Variants in PTPRG observed in about 807,000 individuals in gnomAD.
PTPRG encodes the protein protein tyrosine phosphatase receptor type G.
PTPRG carries 102 observed loss-of-function variants against 165.3 expected under a neutral mutation model. That is an observed-to-expected ratio of 0.62 (90% confidence interval 0.53 to 0.73). PTPRG has a LOEUF of 0.73. Among genes scored for constraint, PTPRG ranks in the 30% least tolerant of loss-of-function variants. The probability of loss-of-function intolerance (pLI) is 0.00; values close to 1 mark genes in which losing one functional copy is unlikely to be tolerated. For missense variants in PTPRG, 1,866 were observed against 1,861.4 expected, an observed-to-expected ratio of 1.00 and a Z score of -0.05; for synonymous variants, 675 against 669.5, an observed-to-expected ratio of 1.01 and a Z score of -0.13.
chr3:62,165,980 A>G (rs1704958101), intron 7 of PTPRG, among the ~76,000 whole-genome samples: 1 of 151,926 alleles, frequency 6.6e-6, no homozygotes, highest in South Asian at 2.1e-4. Flanking sequence ...TTTCCACATT[A>G]GTATTAACTG....
At chr3:62,272,323 T>C (rs1702093494) in intron 21 of PTPRG, among the ~76,000 whole-genome samples, 1 of 152,220 alleles carries the variant, frequency 6.6e-6, no homozygotes, top group African/African-American at 2.4e-5. Flanking sequence ...CCATATAAAA[T>C]ACCTTTTCAA....
chr3:62,029,775 A>G (rs1372551618), intron 4 of PTPRG, among the ~76,000 whole-genome samples: 1 of 152,258 alleles, frequency 6.6e-6, no homozygotes, highest in East Asian at 1.9e-4. Context: ...GTCTTCCTCC[A>G]TAAGACCTTG....
intron 1 of PTPRG, among the ~76,000 whole-genome samples, chr3:61,674,183 T>A (rs1480512534): frequency 1.7e-4 from 24 of 144,156 alleles, no homozygotes; most frequent in Middle Eastern, 3.6e-3. Context: ...ATAATAATAA[T>A]AAAAAAAAAA....
intron 2 of PTPRG, among the ~76,000 whole-genome samples, chr3:61,801,781 C>T (rs1327114986): frequency 6.6e-6 from 1 of 152,080 alleles, no homozygotes; most frequent in Admixed American, 6.5e-5. Context: ...GAAGAACTTT[C>T]TCAGAAGGCC....
intron 12 of PTPRG, among the ~76,000 whole-genome samples, chr3:62,206,912 C>CAAAAA (rs556974355): frequency 6.2e-4 from 23 of 37,330 alleles, no homozygotes; most frequent in South Asian, 1.8e-3. Flanking sequence ...GACTCTGTCT[C>CAAAAA]AAAAAAAAAA....
intron 1 of PTPRG, among the ~76,000 whole-genome samples, chr3:61,743,279 AACTTG>A (rs1156941447): frequency 1.1e-4 from 16 of 152,298 alleles, no homozygotes; most frequent in South Asian, 2.1e-4. Flanking sequence ...CCTAGCAACC[AACTTG>A]ACTTAAGATT....
At chr3:61,960,547 A>G (rs148364516) in intron 2 of PTPRG, among the ~76,000 whole-genome samples, 4 of 152,330 alleles carry the variant, frequency 2.6e-5, no homozygotes, top group African/African-American at 9.6e-5. Flanking sequence ...AAACTGATCA[A>G]TGGGATCTGT....
intron 8 of PTPRG, among the ~76,000 whole-genome samples, chr3:62,184,748 C>T (rs1705804856): frequency 1.3e-5 from 2 of 152,154 alleles, no homozygotes; most frequent in South Asian, 2.1e-4. Flanking sequence ...ACACCTCCCA[C>T]CCAGGAAGCA....
At chr3:61,613,940 C>T (rs563525822) in intron 1 of PTPRG, among the ~76,000 whole-genome samples, 3 of 152,120 alleles carry the variant, frequency 2.0e-5, no homozygotes, top group Non-Finnish European at 4.4e-5. Context: ...GTTTCACCTC[C>T]CAAATAAATC....
In PTPRG at chr3:62,034,671, G is replaced by A. The variant is rs940252036; in HGVS notation, c.519+31174G>A. ...GAAACTTGTATAGTCAGGTGATAAA[G>A]GCATTACAACGGTACCAAGTCAGCA... On this transcript the variant is annotated intron_variant, in intron 4 of 29. Transcript: ENST00000474889. Among the ~76,000 whole-genome samples, 21 of 152,348 alleles carry A rather than the reference G, an allele frequency of 1.4e-4. 1 individual carries two copies. The highest frequency in any genetic ancestry group is 9.6e-4 in the East Asian group (5 of 5,188).
chr3:61,653,162 C>T (rs909394867), intron 1 of PTPRG, among the ~76,000 whole-genome samples: 4 of 151,942 alleles, frequency 2.6e-5, no homozygotes, highest in South Asian at 2.1e-4. Context: ...CTTAATGTCA[C>T]TACATCCTGA....
At chr3:62,045,723 G>A (rs1700268558) in intron 4 of PTPRG, among the ~76,000 whole-genome samples, 1 of 152,220 alleles carries the variant, frequency 6.6e-6, no homozygotes, top group Admixed American at 6.5e-5. Flanking sequence ...TCTCTTAACA[G>A]GTCATGACCT....
At position 61,661,332 on chromosome 3, in the gene PTPRG, T is replaced by TAAAAA. The variant is rs1310793802; in HGVS notation, c.86-87543_86-87542insAAAAA. Among the ~76,000 whole-genome samples the TAAAAA allele has an allele frequency of 3.0e-5, 4 of 133,480 alleles. No homozygotes were observed. In the East Asian group the frequency reaches 6.6e-4, roughly 22 times the overall value. 87.6% of individuals were successfully genotyped at this position (133,480 alleles called of 152,430 possible). On this transcript the variant is annotated intron_variant, in intron 1 of 29. Coordinates refer to ENST00000474889, the MANE Select transcript of PTPRG (RefSeq NM_002841.4). ...TTATAAAAGTTTCCTTTTTTTTTTTTAAATTTTTAAGAGAGAAGTGATTTC... is the reference window on the plus strand; with the variant it reads ...TTATAAAAGTTTCCTTTTTTTTTTTTAAAAAAAATTTTTAAGAGAGAAGTGATTTC...
chr3:61,808,174 G>T (rs543950593), intron 2 of PTPRG, among the ~76,000 whole-genome samples: 67 of 152,164 alleles, frequency 4.4e-4, no homozygotes, highest in Non-Finnish European at 7.2e-4. Context: ...ATTTGAAGGA[G>T]ACCTAAGAAT....
At chr3:62,005,789 G>A (rs2041284320) in intron 4 of PTPRG, among the ~76,000 whole-genome samples, 2 of 126,096 alleles carry the variant, frequency 1.6e-5, no homozygotes, top group Non-Finnish European at 3.1e-5. Context: ...TGCAATCTCC[G>A]CCTCCTGGGT....
chr3:61,606,477 C>G (rs1156789305), intron 1 of PTPRG, among the ~76,000 whole-genome samples: 1 of 152,214 alleles, frequency 6.6e-6, no homozygotes, highest in East Asian at 1.9e-4. Context: ...TATACATCTG[C>G]AATATCCCTA....
intron 1 of PTPRG, among the ~76,000 whole-genome samples, chr3:61,641,226 C>A (rs1247755837): frequency 6.6e-6 from 1 of 152,110 alleles, no homozygotes; most frequent in Non-Finnish European, 1.5e-5. Context: ...ATTTCCTCCC[C>A]CTCCCTCCCT....
chr3:61,595,186 T>TC (rs1231556450), intron 1 of PTPRG, among the ~76,000 whole-genome samples: 56 of 138,384 alleles, frequency 4.0e-4, no homozygotes, highest in Non-Finnish European at 4.0e-4. Context: ...GATGTGTTTG[T>TC]TTTTTTTTTT....
chr3:61,975,885 C>A (rs1236285270), intron 2 of PTPRG, among the ~76,000 whole-genome samples: 2 of 152,168 alleles, frequency 1.3e-5, no homozygotes, highest in Non-Finnish European at 2.9e-5. Context: ...TACGTTTTCA[C>A]TGATTTGCTC....
Sources: allele counts gnomAD v4.1 joint callset (sites outside exome capture counted in the v4.1 genomes callset), GRCh38; gene constraint gnomAD v4.1.1; transcripts MANE v1.5; gene names NCBI Gene and HGNC (gene_info 2026-07-23, HGNC 2026-07-21).